The following FBXO25 variants were observed in gnomAD, a reference collection of about 807,000 sequenced individuals.
FBXO25 encodes F-box protein 25.
FBXO25 carries 45 observed loss-of-function variants against 51.9 expected under a neutral mutation model. That is an observed-to-expected ratio of 0.87 (90% CI 0.68 to 1.11). The LOEUF is 1.11. Among genes scored for constraint, FBXO25 ranks in the 50% most tolerant of loss-of-function variants. The probability of loss-of-function intolerance (pLI) is 0.00; values close to 1 mark genes in which losing one functional copy is unlikely to be tolerated. For missense variants in FBXO25, 507 were observed against 428.5 expected, an observed-to-expected ratio of 1.18 and a Z score of -1.62; for synonymous variants, 199 against 151.0, an observed-to-expected ratio of 1.32 and a Z score of -2.33.
intron 1 of FBXO25, among the ~76,000 whole-genome samples, chr8:407,583 C>T (rs1796236649): frequency 6.6e-6 from 1 of 152,062 alleles, no homozygotes; most frequent in African/African-American, 2.4e-5. Context: ...GTCTTGCAGG[C>T]CCGAGCTTGT....
chr8:471,557 C>T lies in FBXO25; in HGVS notation c.*2753C>T, dbSNP rs1563105978. On this transcript the variant is annotated 3_prime_UTR_variant, in exon 10 of 10. Transcript: ENST00000350302. ...AAGCCAGGTAGTAAGTTTCACTTGC[C>T]CATCGCTCCTGTGAAAGGCAATGCC... 2 of 152,118 alleles carry T rather than the reference C, an allele frequency of 1.3e-5. No individual in the cohort carries two copies. Among genetic ancestry groups the T allele is most frequent in the East Asian group, 3.9e-4 (2 of 5,186 alleles). 9.4% of individuals were successfully genotyped at this position (152,118 alleles called of 1,614,324 possible).
Position 461,084 on chromosome 8 carries a change from T to C in FBXO25, c.844-1923T>C, listed in dbSNP as rs541229760. Among the ~76,000 whole-genome samples the C allele has an allele frequency of 5.3e-5, 8 of 152,342 alleles. No individual in the cohort carries two copies. The South Asian group carries it at 1.5e-3, about 28-fold the overall frequency. On this transcript the variant is annotated intron_variant, in intron 8 of 9. Coordinates refer to ENST00000350302, the MANE Select transcript of FBXO25 (RefSeq NM_183420.2). Reference sequence around the variant, plus strand: ...CTCCTTTAGCCCGTGCATTTTGTTTTTTGTTTCAGGCTTTTGTATGCACTC... The same window carrying C: ...CTCCTTTAGCCCGTGCATTTTGTTTCTTGTTTCAGGCTTTTGTATGCACTC...
chr8:445,702 C>G (rs1798697468), intron 5 of FBXO25, among the ~76,000 whole-genome samples: 1 of 152,224 alleles, frequency 6.6e-6, no homozygotes, highest in South Asian at 2.1e-4. Flanking sequence ...AAATACAGAA[C>G]TTAGCCAGGC....
intron 3 of FBXO25, among the ~76,000 whole-genome samples, chr8:432,023 C>T (rs1197361098): frequency 1.3e-5 from 2 of 152,062 alleles, no homozygotes; most frequent in East Asian, 1.9e-4. Context: ...TGTATATACA[C>T]ACTTATAATA....
intron 2 of FBXO25, among the ~76,000 whole-genome samples, chr8:421,204 C>T (rs1365806880): frequency 1.3e-5 from 2 of 152,148 alleles, no homozygotes; most frequent in Non-Finnish European, 1.5e-5. Flanking sequence ...AGGTTGCTCA[C>T]TCCTTTTGAG....
At chr8:454,383 G>A (rs932538748) in intron 7 of FBXO25, among the ~76,000 whole-genome samples, 4 of 152,194 alleles carry the variant, frequency 2.6e-5, no homozygotes, top group African/African-American at 7.2e-5. Flanking sequence ...TCCTCACCCC[G>A]TCAGCACTTC....
Position 469,147 on chromosome 8 carries a change from T to G in FBXO25, c.*343T>G, listed in dbSNP as rs997927858. On this transcript the variant is annotated 3_prime_UTR_variant, in exon 10 of 10. Transcript: ENST00000350302. Reference sequence around the variant, plus strand: ...TGACACTAACGGCCAATAATATGCTTCTTAATTATCAAATTATAGTTTCCC... The same window carrying G: ...TGACACTAACGGCCAATAATATGCTGCTTAATTATCAAATTATAGTTTCCC... The G allele has an allele frequency of 9.5e-6, 2 of 210,304 alleles. No homozygotes were observed. Among genetic ancestry groups the G allele is most frequent in the Non-Finnish European group, 1.9e-5 (2 of 107,234 alleles). The allele number at this position is 210,304 out of a possible 1,614,324, so 13.0% of individuals were successfully genotyped here.
intron 7 of FBXO25, among the ~76,000 whole-genome samples, chr8:451,803 T>A (rs2116731293): frequency 1.3e-5 from 2 of 152,340 alleles, no homozygotes; most frequent in South Asian, 4.1e-4. Context: ...ATTTAGTTGT[T>A]GCTTCTCCCA....
chr8:433,913 A>G lies in FBXO25; in HGVS notation c.288+978A>G, dbSNP rs1373954738. On this transcript the variant is annotated intron_variant, in intron 4 of 9. Transcript: ENST00000350302. Reference sequence around the variant, plus strand: ...AATATACACTCGAATACACCATTAGACGATTATTTGACAGAATCTAACCTA... The same window carrying G: ...AATATACACTCGAATACACCATTAGGCGATTATTTGACAGAATCTAACCTA... Among the ~76,000 whole-genome samples the G allele has an allele frequency of 2.6e-5, 4 of 152,218 alleles. No individual in the cohort carries two copies. In the East Asian group the frequency reaches 7.7e-4, roughly 29 times the overall value.
intron 2 of FBXO25, among the ~76,000 whole-genome samples, chr8:430,953 T>C (rs1269330351): frequency 6.6e-6 from 1 of 152,220 alleles, no homozygotes; most frequent in Non-Finnish European, 1.5e-5. Flanking sequence ...GTTGAGTGGT[T>C]ACTCAGCATG....
At chr8:431,065 T>C (rs1797792047) in intron 2 of FBXO25, among the ~76,000 whole-genome samples, 1 of 152,194 alleles carries the variant, frequency 6.6e-6, no homozygotes, top group African/African-American at 2.4e-5. Flanking sequence ...AAATCTCTGT[T>C]TTAATAAGGC....
Position 476,948 on chromosome 8 carries a change from C to T in FBXO25, c.*8144C>T, listed in dbSNP as rs191550842. ...AGGTGTATTTACAGTTACAAATTTC[C>T]CTCCTACCACTGCTTTGACTGTACC... On this transcript the variant is annotated 3_prime_UTR_variant, in exon 10 of 10. Coordinates refer to ENST00000350302, the MANE Select transcript of FBXO25 (RefSeq NM_183420.2). 3.3e-5 allele frequency: 5 copies of T among 151,976 alleles called. No homozygotes were observed. The highest frequency in any genetic ancestry group is 7.3e-5 in the African/African-American group (3 of 41,366). The allele number at this position is 151,976 out of a possible 1,614,324, so 9.4% of individuals were successfully genotyped here.
intron 7 of FBXO25, among the ~76,000 whole-genome samples, chr8:453,911 G>A (rs1279081069): frequency 1.3e-5 from 2 of 152,096 alleles, no homozygotes; most frequent in Non-Finnish European, 2.9e-5. Context: ...ATCACCTGAG[G>A]TCAGGAGTTC....
chr8:443,938 C>G (rs1309406128), intron 5 of FBXO25, among the ~76,000 whole-genome samples: 1 of 152,194 alleles, frequency 6.6e-6, no homozygotes, highest in African/African-American at 2.4e-5. Context: ...AGCAGGAAGG[C>G]ACAAGCACAG....
Position 475,925 on chromosome 8 carries a change from T to TAAAC in FBXO25, c.*7123_*7126dup. ...CTGCTCTAAGACTCCAGTACTGTGT[T>TAAAC]AAACAGAAGTGGTGAGACAGGGTAT... On this transcript the variant is annotated 3_prime_UTR_variant, in exon 10 of 10. Transcript: ENST00000350302. 6.6e-6 allele frequency: 1 copy of TAAAC among 152,334 alleles called. No individual in the cohort carries two copies. Among genetic ancestry groups the TAAAC allele is most frequent in the East Asian group, 1.9e-4 (1 of 5,180 alleles). 9.4% of individuals were successfully genotyped at this position (152,334 alleles called of 1,614,324 possible).
At chr8:453,258 C>A (rs764511263) in intron 7 of FBXO25, among the ~76,000 whole-genome samples, 1 of 152,274 alleles carries the variant, frequency 6.6e-6, no homozygotes, top group Admixed American at 6.5e-5. Context: ...TCAAATCTTA[C>A]CATCAGAGAC....
rs1361628268 is a variant in FBXO25 at position 451,308 on chromosome 8, T to G, written c.515T>G (p.Leu172Arg). ...DHHNPRLIKD[L>R]LQDLSSTLCI... ...CACAATCCTCGCTTAATCAAAGATC[T>G]TCTGCAAGACCTAAGCTCTACCCTC... The change falls in exon 7 of 10, where the codon CTT becomes CGT. Residue 172 changes from leucine to arginine, a missense_variant. Coordinates refer to ENST00000350302, the MANE Select transcript of FBXO25 (RefSeq NM_183420.2). The G allele has an allele frequency of 6.2e-7, 1 of 1,610,912 alleles. No homozygotes were observed. The highest frequency in any genetic ancestry group is 8.5e-7 in the Non-Finnish European group (1 of 1,179,254).
In FBXO25 at chr8:470,927, T is replaced by C. The variant is rs1027642108; in HGVS notation, c.*2123T>C. ...GGATGTCAGTCTTTTTTCATGTTAG[T>C]TTCTTCTTAAAAGGAAACTATCCTT... On this transcript the variant is annotated 3_prime_UTR_variant, in exon 10 of 10. Coordinates refer to ENST00000350302, the MANE Select transcript of FBXO25 (RefSeq NM_183420.2). The C allele has an allele frequency of 6.6e-6, 1 of 152,228 alleles. No individual in the cohort carries two copies. The highest frequency in any genetic ancestry group is 2.4e-5 in the African/African-American group (1 of 41,456). The allele number at this position is 152,228 out of a possible 1,614,324, so 9.4% of individuals were successfully genotyped here.
At chr8:413,671 A>C (rs1796624076) in intron 2 of FBXO25, among the ~76,000 whole-genome samples, 6 of 152,204 alleles carry the variant, frequency 3.9e-5, no homozygotes, top group Admixed American at 3.9e-4. Flanking sequence ...CCAAGAGTGC[A>C]GCCTTACCTG....
Sources: allele counts gnomAD v4.1 joint callset (sites outside exome capture counted in the v4.1 genomes callset), GRCh38; gene constraint gnomAD v4.1.1; transcripts MANE v1.5; gene names NCBI Gene and HGNC (gene_info 2026-07-23, HGNC 2026-07-21).